PIP5K1B: variants seen among roughly 807,000 people sequenced by gnomAD.
The protein encoded by PIP5K1B is phosphatidylinositol-4-phosphate 5-kinase type 1 beta, also known as phosphatidylinositol 4-phosphate 5-kinase type-1 beta.
In PIP5K1B, 42 loss-of-function variants were observed where a neutral mutation model predicts 67.0. That is an observed-to-expected ratio of 0.63 (90% CI 0.49 to 0.81). The LOEUF (loss-of-function observed/expected upper bound fraction) is 0.81. Ranked by LOEUF, PIP5K1B falls within the 30% of genes least tolerant of loss-of-function variation. The probability of loss-of-function intolerance (pLI) is 0.00; values close to 1 mark genes in which losing one functional copy is unlikely to be tolerated. For synonymous variants in PIP5K1B, 214 were observed against 231.4 expected (o/e 0.92, Z 0.68); for missense variants, 459 against 646.3 (o/e 0.71, Z 3.14).
chr9:68,770,358 C>A, intron 2 of PIP5K1B, among the ~76,000 whole-genome samples: 1 of 152,216 alleles, frequency 6.6e-6, no homozygotes, highest in East Asian at 1.9e-4. Flanking sequence ...GGGCATGATT[C>A]TCTTCCTCTC....
rs150643938 is a variant in PIP5K1B at position 68,837,481 on chromosome 9, G to A, written c.69+14798G>A. Among the ~76,000 whole-genome samples, 105 of 152,068 alleles carry A rather than the reference G, an allele frequency of 6.9e-4. 1 individual carries two copies. The East Asian group carries it at 0.011, about 16-fold the overall frequency. On this transcript the variant is annotated intron_variant, in intron 4 of 15. Coordinates refer to ENST00000265382, the MANE Select transcript of PIP5K1B (RefSeq NM_003558.4). ...TTTCAGATGATTTTTATTGATTTAT[G>A]TGTATTATTATTTATGAATACCCTT...
intron 14 of PIP5K1B, among the ~76,000 whole-genome samples, chr9:68,984,279 G>A (rs553828368): frequency 6.6e-6 from 1 of 152,336 alleles, no homozygotes; most frequent in African/African-American, 2.4e-5. Context: ...TGCTCTGCCT[G>A]TTAATGCTTT....
chr9:68,907,267 G>A (rs1461803786), intron 8 of PIP5K1B, among the ~76,000 whole-genome samples: 2 of 152,098 alleles, frequency 1.3e-5, no homozygotes, highest in Non-Finnish European at 2.9e-5. Flanking sequence ...CTTGTCCCAT[G>A]TGGACACACA....
intron 1 of PIP5K1B, among the ~76,000 whole-genome samples, chr9:68,742,095 A>G (rs537550748): frequency 6.6e-6 from 1 of 152,300 alleles, no homozygotes; most frequent in South Asian, 2.1e-4. Context: ...TATGGGTTAC[A>G]TTGGTTTTGG....
chr9:68,842,774 AG>A (rs1821982460), intron 4 of PIP5K1B, among the ~76,000 whole-genome samples: 1 of 152,236 alleles, frequency 6.6e-6, no homozygotes, highest in Admixed American at 6.5e-5. Flanking sequence ...CACACATCAA[AG>A]AAGTCTCGAA....
At chr9:68,881,421 C>T (rs1457835936) in intron 6 of PIP5K1B, among the ~76,000 whole-genome samples, 2 of 152,196 alleles carry the variant, frequency 1.3e-5, no homozygotes. Flanking sequence ...TCACAAAGTG[C>T]ATCGTGGTGG....
intron 2 of PIP5K1B, among the ~76,000 whole-genome samples, chr9:68,795,441 T>C (rs1832236623): frequency 6.6e-6 from 1 of 152,192 alleles, no homozygotes; most frequent in African/African-American, 2.4e-5. Flanking sequence ...ATATATGTAA[T>C]ATATGGAATA....
intron 5 of PIP5K1B, among the ~76,000 whole-genome samples, chr9:68,868,126 G>A (rs7849727): frequency 0.059 from 9,045 of 152,166 alleles, 546 homozygotes; most frequent in African/African-American, 0.15. Context: ...CTTCCAAAAT[G>A]TGTTCCAAAA....
At chr9:68,714,733 C>A (rs897771546) in intron 1 of PIP5K1B, among the ~76,000 whole-genome samples, 1 of 152,194 alleles carries the variant, frequency 6.6e-6, no homozygotes, top group African/African-American at 2.4e-5. Flanking sequence ...TTTTGCTCTC[C>A]TGGAGTCCAG....
At chr9:68,708,873 C>T (rs992688256) in intron 1 of PIP5K1B, among the ~76,000 whole-genome samples, 3 of 152,052 alleles carry the variant, frequency 2.0e-5, no homozygotes, top group Non-Finnish European at 2.9e-5. Context: ...AATGGATCTG[C>T]AATTTACATT....
intron 14 of PIP5K1B, among the ~76,000 whole-genome samples, chr9:68,979,477 G>C (rs1297218667): frequency 6.6e-6 from 1 of 151,898 alleles, no homozygotes; most frequent in Non-Finnish European, 1.5e-5. Context: ...CGGTGAAAAA[G>C]GTCCCTGAAC....
intron 14 of PIP5K1B, among the ~76,000 whole-genome samples, chr9:68,986,242 C>T (rs532086097): frequency 6.6e-6 from 1 of 152,336 alleles, no homozygotes; most frequent in South Asian, 2.1e-4. Flanking sequence ...TCTACCTCCT[C>T]TCCAACAAGT....
intron 6 of PIP5K1B, among the ~76,000 whole-genome samples, chr9:68,880,662 G>A (rs1349120502): frequency 6.6e-6 from 1 of 151,510 alleles, no homozygotes; most frequent in African/African-American, 2.4e-5. Context: ...ATAGAGCCAG[G>A]TATGTAAGTG....
chr9:68,900,553 T>A (rs1396041969), intron 8 of PIP5K1B, among the ~76,000 whole-genome samples: 1 of 152,226 alleles, frequency 6.6e-6, no homozygotes, highest in Non-Finnish European at 1.5e-5. Context: ...TGCTGAAATA[T>A]TTATTAATAA....
At chr9:68,894,824 G>A (rs185596354) in intron 8 of PIP5K1B, among the ~76,000 whole-genome samples, 186 bp downstream of exon 8, 2 of 152,320 alleles carry the variant, frequency 1.3e-5, no homozygotes, top group South Asian at 2.1e-4. Flanking sequence ...TGATAAGGGA[G>A]TTATCTAGAG....
chr9:68,967,011 C>T (rs1829075176), intron 14 of PIP5K1B, among the ~76,000 whole-genome samples: 1 of 152,146 alleles, frequency 6.6e-6, no homozygotes, highest in Admixed American at 6.5e-5. Flanking sequence ...CACATTTTCA[C>T]CTGCCATAGA....
chr9:68,970,440 G>T (rs1292849981), intron 14 of PIP5K1B, among the ~76,000 whole-genome samples: 1 of 152,190 alleles, frequency 6.6e-6, no homozygotes, highest in Admixed American at 6.5e-5. Flanking sequence ...GTAGGAAATT[G>T]TCCTACCCAA....
At chr9:68,978,580 C>T (rs868282948) in intron 14 of PIP5K1B, among the ~76,000 whole-genome samples, 1 of 152,110 alleles carries the variant, frequency 6.6e-6, no homozygotes, top group Non-Finnish European at 1.5e-5. Flanking sequence ...GTGTTCTGAC[C>T]ATGTCTGCTT....
intron 14 of PIP5K1B, among the ~76,000 whole-genome samples, chr9:68,944,483 G>A (rs536103996): frequency 6.6e-6 from 1 of 152,328 alleles, no homozygotes; most frequent in Non-Finnish European, 1.5e-5. Context: ...CATCAAAGAT[G>A]TCTTACCAGT....
Sources: allele counts gnomAD v4.1 joint callset (sites outside exome capture counted in the v4.1 genomes callset), GRCh38; gene constraint gnomAD v4.1.1; transcripts MANE v1.5; gene names NCBI Gene and HGNC (gene_info 2026-07-23, HGNC 2026-07-21).